Variants in LMX1A observed in about 807,000 individuals in gnomAD.
The protein encoded by LMX1A is LIM homeobox transcription factor 1-alpha.
In LMX1A, 15 loss-of-function variants were observed where a neutral mutation model predicts 49.1. The ratio of observed to expected loss-of-function variants is 0.31; its 90% confidence interval spans 0.20 to 0.47. The LOEUF (loss-of-function observed/expected upper bound fraction) is 0.47, where lower values mean the gene tolerates loss of function less well. LMX1A is among the 20% of genes least tolerant of loss of function. LMX1A has a pLI of 1.00. For synonymous variants in LMX1A, 167 were observed against 185.7 expected, an observed-to-expected ratio of 0.90 and a Z score of 0.82; for missense variants, 372 against 475.8, an observed-to-expected ratio of 0.78 and a Z score of 2.03.
At chr1:165,223,226 C>T (rs1486076304) in intron 4 of LMX1A, among the ~76,000 whole-genome samples, 1 of 152,104 alleles carries the variant, frequency 6.6e-6, no homozygotes, top group Non-Finnish European at 1.5e-5. Context: ...GAACACAGTA[C>T]AGACACAGTA....
At chr1:165,278,213 A>G (rs913112948) in intron 3 of LMX1A, among the ~76,000 whole-genome samples, 2 of 152,202 alleles carry the variant, frequency 1.3e-5, no homozygotes, top group Non-Finnish European at 2.9e-5. Flanking sequence ...GTCCTGTCCC[A>G]GTTTACTTCA....
chr1:165,273,055 G>A (rs578143432), intron 3 of LMX1A, among the ~76,000 whole-genome samples: 132 of 152,308 alleles, frequency 8.7e-4, no homozygotes, highest in African/African-American at 3.0e-3. Flanking sequence ...CCCAGCTGGA[G>A]ACATGAACGG....
At chr1:165,272,745 G>A (rs16841916) in intron 3 of LMX1A, among the ~76,000 whole-genome samples, 1 of 152,086 alleles carries the variant, frequency 6.6e-6, no homozygotes, top group African/African-American at 2.4e-5. Flanking sequence ...AGCAGTCAGG[G>A]TGGTTTGCTA....
At position 165,339,090 on chromosome 1, in the gene LMX1A, A is replaced by T. The variant is rs141859728; in HGVS notation, c.263+13986T>A. ...GAGGTTAAATGATTTGCCCAGGCCC[A>T]GCCAGCCAAAGCAGAGGCAAAGACA... On this transcript the variant is annotated intron_variant, in intron 3 of 8. Coordinates refer to ENST00000342310, the MANE Select transcript of LMX1A (RefSeq NM_177398.4). 3.9e-3 allele frequency among the ~76,000 whole-genome samples: 591 copies of T among 152,348 alleles called. 6 individuals are homozygous for T. The highest frequency in any genetic ancestry group is 6.0e-3 in the Non-Finnish European group (410 of 68,026).
chr1:165,348,998 G>A (rs560996480), intron 3 of LMX1A, among the ~76,000 whole-genome samples: 4 of 152,272 alleles, frequency 2.6e-5, no homozygotes, highest in East Asian at 1.9e-4. Context: ...GCTGACATGC[G>A]GGGAGTTATG....
chr1:165,287,304 C>G (rs531015663), intron 3 of LMX1A, among the ~76,000 whole-genome samples: 15 of 152,240 alleles, frequency 9.9e-5, no homozygotes, highest in Non-Finnish European at 1.8e-4. Context: ...GTCCATTTCT[C>G]TAAAGGACTA....
At chr1:165,213,610 A>C in intron 5 of LMX1A, 31 bp downstream of exon 5, 1 of 1,596,936 alleles carries the variant, frequency 6.3e-7, no homozygotes, top group East Asian at 2.2e-5. Flanking sequence ...AGTGGGGCCC[A>C]GCTCCTTTTC....
chr1:165,276,919 C>G (rs988136654), intron 3 of LMX1A, among the ~76,000 whole-genome samples: 4 of 152,194 alleles, frequency 2.6e-5, no homozygotes, highest in Non-Finnish European at 5.9e-5. Context: ...TAAAGAGATA[C>G]AGAGAGGTAA....
At chr1:165,340,821 T>G (rs1023650442) in intron 3 of LMX1A, among the ~76,000 whole-genome samples, 1 of 152,218 alleles carries the variant, frequency 6.6e-6, no homozygotes, top group African/African-American at 2.4e-5. Flanking sequence ...CAGTCCACCT[T>G]GTCCCTTCTG....
At chr1:165,206,446 T>C (rs1484159248) in intron 7 of LMX1A, among the ~76,000 whole-genome samples, 1 of 152,116 alleles carries the variant, frequency 6.6e-6, no homozygotes, top group Admixed American at 6.5e-5. Context: ...TGCTTGTAGA[T>C]AGAATTTTAT....
intron 4 of LMX1A, among the ~76,000 whole-genome samples, chr1:165,215,197 G>C (rs903093862): frequency 7.2e-5 from 11 of 152,144 alleles, no homozygotes; most frequent in African/African-American, 2.7e-4. Flanking sequence ...TGTAATCCCA[G>C]CTACTCGGGA....
chr1:165,233,092 T>G (rs528410569), intron 4 of LMX1A, among the ~76,000 whole-genome samples: 1 of 152,356 alleles, frequency 6.6e-6, no homozygotes, highest in African/African-American at 2.4e-5. Context: ...CCATCCAAGC[T>G]TCACAAGTTT....
intron 3 of LMX1A, among the ~76,000 whole-genome samples, chr1:165,336,728 T>C (rs1655909758): frequency 6.6e-6 from 1 of 152,168 alleles, no homozygotes; most frequent in Non-Finnish European, 1.5e-5. Flanking sequence ...TTCATTTTCA[T>C]TCACTCTCAC....
At chr1:165,209,540 T>C (rs1651275493) in intron 6 of LMX1A, among the ~76,000 whole-genome samples, 1 of 152,162 alleles carries the variant, frequency 6.6e-6, no homozygotes, top group Admixed American at 6.5e-5. Flanking sequence ...ATTTAATTAA[T>C]CATGCCTACA....
intron 4 of LMX1A, among the ~76,000 whole-genome samples, chr1:165,233,838 A>T (rs1401613307): frequency 2.0e-5 from 3 of 152,176 alleles, no homozygotes; most frequent in African/African-American, 7.2e-5. Flanking sequence ...GATGCCTGAC[A>T]TATTAGTAGG....
At chr1:165,254,149 C>T (rs1332699051) in intron 3 of LMX1A, among the ~76,000 whole-genome samples, 1 of 152,222 alleles carries the variant, frequency 6.6e-6, no homozygotes, top group Non-Finnish European at 1.5e-5. Context: ...ACTTGAGAAG[C>T]TGCAACAGCA....
intron 3 of LMX1A, among the ~76,000 whole-genome samples, chr1:165,306,493 GC>G (rs1360363357): frequency 6.6e-6 from 1 of 152,204 alleles, no homozygotes; most frequent in African/African-American, 2.4e-5. Flanking sequence ...AAACAAAGTT[GC>G]CCCTGCCCAC....
intron 4 of LMX1A, among the ~76,000 whole-genome samples, chr1:165,235,636 G>A (rs1222984421): frequency 1.3e-5 from 2 of 152,062 alleles, no homozygotes; most frequent in Non-Finnish European, 2.9e-5. Context: ...GCGCGGGGCG[G>A]CGCGGACCCG....
rs1651058938 is a variant in LMX1A, at chr1:165,205,964, T to C, written c.888A>G (p.Pro296=). The change falls in exon 8 of 9, where the codon CCA becomes CCG. Residue 296 remains proline, a synonymous_variant. Coordinates refer to ENST00000342310, the MANE Select transcript of LMX1A (RefSeq NM_177398.4). ...TCTGCTCGATGGCCAGGAGCTGCTG[T>C]GGGGTGGGCAGAGCCGTGTAGGGGT... ...IMNPYTALPT[P]QQLLAIEQSV... is the part of the protein sequence containing the mutation. 2.5e-6 allele frequency: 4 copies of C among 1,613,488 alleles called. No individual in the cohort carries two copies.
Sources: gnomAD v4.1 joint callset for allele counts (sites outside exome capture counted in the v4.1 genomes callset) on GRCh38, gnomAD v4.1.1 for gene constraint, MANE v1.5 for transcripts, NCBI Gene and HGNC (gene_info 2026-07-23, HGNC 2026-07-21) for gene names.